The following TECTA variants were observed in gnomAD, a reference collection of about 807,000 sequenced individuals.
TECTA encodes the protein tectorin alpha.
Under a neutral mutation model 216.8 loss-of-function variants are expected in TECTA, and 128 were observed. The ratio of observed to expected loss-of-function variants is 0.59; its 90% CI spans 0.51 to 0.68. The LOEUF (loss-of-function observed/expected upper bound fraction) is 0.68, where lower values mean the gene tolerates loss of function less well. Ranked by LOEUF, TECTA falls within the 30% of genes least tolerant of loss-of-function variation. TECTA has a pLI of 0.00. For synonymous variants in TECTA, 1,089 were observed against 1,117.1 expected (o/e 0.97, Z 0.50); for missense variants, 2,551 against 2,786.2 (o/e 0.92, Z 1.90).
Position 121,190,758 on chromosome 11 carries a change from C to A in TECTA, c.6420C>A (p.Ile2140=). 6.2e-7 allele frequency: 1 copy of A among 1,613,896 alleles called. No homozygotes were observed. The highest frequency in any genetic ancestry group is 8.5e-7 in the Non-Finnish European group (1 of 1,179,880). The part of the protein sequence containing the change: ...LQVWTLLLIM[I]QISLWHFVYK... ...TCTGGACGCTTCTTCTCATCATGAT[C>A]CAGATTTCATTATGGCATTTTGTCT... The change falls in exon 24 of 24, where the codon ATC becomes ATA. Residue 2140 remains isoleucine, a synonymous_variant. Transcript: ENST00000392793.
chr11:121,165,577 C>T (rs1947044968), intron 17 of TECTA, among the ~76,000 whole-genome samples, 194 bp downstream of exon 17: 1 of 152,196 alleles, frequency 6.6e-6, no homozygotes, highest in African/African-American at 2.4e-5. Flanking sequence ...CATTATAACA[C>T]ACAAATTTGT....
intron 6 of TECTA, among the ~76,000 whole-genome samples, chr11:121,116,850 A>G (rs1946506626): frequency 6.6e-6 from 1 of 152,232 alleles, no homozygotes; most frequent in Non-Finnish European, 1.5e-5. Context: ...CAATACATAC[A>G]GCCCTGAACT....
Position 121,149,462 on chromosome 11 carries a change from G to T in TECTA, c.4105+3346G>T, listed in dbSNP as rs1023663436. Reference sequence around the variant, plus strand: ...ACAACTATTACTACTGTGAATTGCAGAAGTTATTATAGAAGTACCAGGCAC... The same window carrying T: ...ACAACTATTACTACTGTGAATTGCATAAGTTATTATAGAAGTACCAGGCAC... On this transcript the variant is annotated intron_variant, in intron 12 of 23. Transcript: ENST00000392793. Among the ~76,000 whole-genome samples, 21 of 152,330 alleles carry T rather than the reference G, an allele frequency of 1.4e-4. No homozygotes were observed. In the South Asian group the frequency reaches 1.9e-3, roughly 14 times the overall value.
intron 11 of TECTA, among the ~76,000 whole-genome samples, chr11:121,140,375 T>C (rs1946772293): frequency 6.6e-6 from 1 of 152,154 alleles, no homozygotes; most frequent in African/African-American, 2.4e-5. Context: ...AAGCCCCCAG[T>C]GGGTTAGCTC....
At chr11:121,163,185 C>T (rs1416906901) in intron 16 of TECTA, among the ~76,000 whole-genome samples, 3 of 152,110 alleles carry the variant, frequency 2.0e-5, no homozygotes, top group Non-Finnish European at 2.9e-5. Flanking sequence ...TTGGTAAATT[C>T]GCAGACCAAA....
At chr11:121,138,288 G>A (rs1946751528) in intron 11 of TECTA, among the ~76,000 whole-genome samples, 1 of 152,242 alleles carries the variant, frequency 6.6e-6, no homozygotes, top group African/African-American at 2.4e-5. Flanking sequence ...TCGTATGGCA[G>A]CAGAGCATGC....
intron 11 of TECTA, among the ~76,000 whole-genome samples, chr11:121,145,047 C>A (rs945320694): frequency 8.5e-5 from 13 of 152,070 alleles, no homozygotes; most frequent in African/African-American, 2.9e-4. Flanking sequence ...GACATTGGAG[C>A]AGGGTCTGGA....
chr11:121,148,835 C>A (rs918137279), intron 12 of TECTA, among the ~76,000 whole-genome samples: 1 of 152,140 alleles, frequency 6.6e-6, no homozygotes, highest in African/African-American at 2.4e-5. Flanking sequence ...AATCTTGTAA[C>A]CTAAGTTGAA....
Position 121,176,544 on chromosome 11 carries a change from G to A in TECTA, c.5999+7619G>A, listed in dbSNP as rs563150695. Reference sequence around the variant, plus strand: ...TTGTAGAGTTTCTGCCAAGAGATCCGCTGTTAGTCTGATGGGCTTCCCTTT... The same window carrying A: ...TTGTAGAGTTTCTGCCAAGAGATCCACTGTTAGTCTGATGGGCTTCCCTTT... On this transcript the variant is annotated intron_variant, in intron 20 of 23. Coordinates refer to ENST00000392793, the MANE Select transcript of TECTA (RefSeq NM_005422.4). Among the ~76,000 whole-genome samples, 146 of 117,484 alleles carry A rather than the reference G, an allele frequency of 1.2e-3. 19 individuals carry two copies. The highest frequency in any genetic ancestry group is 2.0e-3 in the Non-Finnish European group (120 of 61,538). The allele number at this position is 117,484 out of a possible 152,430, so 77.1% of individuals were successfully genotyped here.
chr11:121,157,288 G>T (rs375378875), intron 13 of TECTA, among the ~76,000 whole-genome samples: 3 of 152,124 alleles, frequency 2.0e-5, no homozygotes, highest in Non-Finnish European at 4.4e-5. Flanking sequence ...CAGCCACAAA[G>T]ATTTCAGAGT....
At position 121,160,363 on chromosome 11, in the gene TECTA, C is replaced by T; in HGVS notation, c.4918C>T (p.Pro1640Ser). The change falls in exon 15 of 24, where the codon CCG becomes TCG. Residue 1640 changes from proline to serine, a missense_variant. Around this residue, in one of 3 missense-constraint regions of TECTA, gnomAD observed 2,375 missense variants for 2,563.9 expected, o/e 0.93. Transcript: ENST00000392793. ...TDDYVTLRGK[P>S]VVSSVVLAQS... Reference sequence around the variant, plus strand: ...TGATTATGTGACCTTGCGAGGGAAGCCGGTGGTAAGCAGCGTGGTGCTGGC... The same window carrying T: ...TGATTATGTGACCTTGCGAGGGAAGTCGGTGGTAAGCAGCGTGGTGCTGGC... 6.2e-7 allele frequency: 1 copy of T among 1,613,782 alleles called. No individual in the cohort carries two copies. Among genetic ancestry groups the T allele is most frequent in the Non-Finnish European group, 8.5e-7 (1 of 1,180,016 alleles).
At chr11:121,103,337 G>C (rs1242407529) in intron 2 of TECTA, among the ~76,000 whole-genome samples, 1 of 152,122 alleles carries the variant, frequency 6.6e-6, no homozygotes, top group African/African-American at 2.4e-5. Flanking sequence ...GGTCTACGTA[G>C]ATTTTAACTT....
Position 121,160,352 on chromosome 11 carries a change from T to A in TECTA, c.4907T>A (p.Leu1636Ter). Residue 1636 changes from leucine to a stop codon, truncating the protein, a stop_gained, in exon 15 of 24, where the codon TTG becomes TAG. Transcript: ENST00000392793. LOFTEE classifies it high-confidence loss of function. ...GACCTAACAGATGATTATGTGACCT[T>A]GCGAGGGAAGCCGGTGGTAAGCAGC... Reference protein sequence around the residue: ...NGDLTDDYVTLRGKPVVSSVV... With the variant: ...NGDLTDDYVT 2 of 1,614,036 alleles carry A rather than the reference T, an allele frequency of 1.2e-6. No individual in the cohort carries two copies. Among genetic ancestry groups the A allele is most frequent in the Non-Finnish European group, 1.7e-6 (2 of 1,180,020 alleles).
chr11:121,154,847 T>A (rs533051840), intron 13 of TECTA, among the ~76,000 whole-genome samples: 20 of 152,348 alleles, frequency 1.3e-4, no homozygotes, highest in African/African-American at 4.8e-4. Context: ...GTTATTGTTG[T>A]TTTGTTATTC....
At chr11:121,118,999 A>G (rs1316781398) in intron 7 of TECTA, among the ~76,000 whole-genome samples, 1 of 105,948 alleles carries the variant, frequency 9.4e-6, no homozygotes, top group Admixed American at 8.2e-5. Context: ...ATAGGCACAC[A>G]CACACACACA....
chr11:121,116,762 A>G (rs1946506023), intron 6 of TECTA, among the ~76,000 whole-genome samples: 1 of 152,158 alleles, frequency 6.6e-6, no homozygotes, highest in Non-Finnish European at 1.5e-5. Flanking sequence ...AACCTCCTCT[A>G]TTCAAAGGCA....
At chr11:121,168,978 C>A in intron 20 of TECTA, 53 bp downstream of exon 20, 1 of 1,612,898 alleles carries the variant, frequency 6.2e-7, no homozygotes, top group Admixed American at 1.7e-5. Context: ...ATAATATTGT[C>A]CTCATCATTT....
intron 4 of TECTA, among the ~76,000 whole-genome samples, chr11:121,111,827 A>C (rs1031796762): frequency 6.6e-6 from 1 of 152,228 alleles, no homozygotes; most frequent in Non-Finnish European, 1.5e-5. Context: ...CCAGAGACTG[A>C]AGGCGTTTAC....
Position 121,113,749 on chromosome 11 carries a change from A to G in TECTA, c.790+31A>G. The G allele has an allele frequency of 6.2e-7, 1 of 1,611,950 alleles. No individual in the cohort carries two copies. The highest frequency in any genetic ancestry group is 1.7e-5 in the Admixed American group (1 of 59,966). On this transcript the variant is annotated intron_variant, in intron 6 of 23. Coordinates refer to ENST00000392793, the MANE Select transcript of TECTA (RefSeq NM_005422.4). This position sits in a 1 kb window ranked among gnomAD's most constrained non-coding sequence, Gnocchi z 4.2. ...GCTTTTCCTCTGTCTGTGGCAAGGC[A>G]GGGTTTGTTTAGTGTAGATTGACAG...
Sources: gnomAD v4.1 joint callset for allele counts (sites outside exome capture counted in the v4.1 genomes callset) on GRCh38, gnomAD v4.1.1 for gene constraint, gnomAD v4.1.1 regional missense constraint, Gnocchi (gnomAD v3.1) non-coding constraint, MANE v1.5 for transcripts, NCBI Gene and HGNC (gene_info 2026-07-23, HGNC 2026-07-21) for gene names.